The following PDIA5 variants were observed in gnomAD, a reference collection of about 807,000 sequenced individuals.
PDIA5 encodes protein disulfide isomerase family A member 5.
Under a neutral mutation model 77.6 loss-of-function variants are expected in PDIA5, and 58 were observed. The ratio of observed to expected loss-of-function variants is 0.75; its 90% confidence interval spans 0.61 to 0.93. PDIA5 has a LOEUF of 0.93. Among genes scored for constraint, PDIA5 ranks in the 40% least tolerant of loss-of-function variants. The pLI, the probability that PDIA5 is intolerant of heterozygous loss-of-function variation, is 0.00. For missense variants in PDIA5, 630 were observed against 647.7 expected, an observed-to-expected ratio of 0.97 and a Z score of 0.30; for synonymous variants, 250 against 252.1, an observed-to-expected ratio of 0.99 and a Z score of 0.08.
At chr3:123,097,731 C>T (rs1934478073) in intron 3 of PDIA5, among the ~76,000 whole-genome samples, 1 of 151,280 alleles carries the variant, frequency 6.6e-6, no homozygotes, top group East Asian at 1.9e-4. Context: ...GAAGTGAGGG[C>T]ACTTTCTACG....
At chr3:123,071,687 C>T (rs142336071) in intron 1 of PDIA5, among the ~76,000 whole-genome samples, 1,664 of 152,178 alleles carry the variant, frequency 0.011, 30 homozygotes, top group African/African-American at 0.038. Context: ...AGGACGAGGC[C>T]AAGCAGTGGG....
At chr3:123,106,679 G>A in intron 5 of PDIA5, 70 bp from the exon 6 acceptor site, 1 of 1,107,848 alleles carries the variant, frequency 9.0e-7, no homozygotes. Flanking sequence ...AAGAGGACAG[G>A]TTCCTGATTC....
At chr3:123,145,225 G>T in intron 11 of PDIA5, 1 of 334,358 alleles carries the variant, frequency 3.0e-6, no homozygotes, top group Non-Finnish European at 5.4e-6. Flanking sequence ...TGGAGATAAT[G>T]TCAGTTCCTA....
chr3:123,073,654 AT>A (rs1200409246), intron 1 of PDIA5, among the ~76,000 whole-genome samples: 8 of 152,186 alleles, frequency 5.3e-5, no homozygotes, highest in African/African-American at 1.9e-4. Flanking sequence ...AAGAGCCTTT[AT>A]TCCTCAAAGT....
chr3:123,072,912 C>CTGTGTGTGTGTG (rs66567660), intron 1 of PDIA5, among the ~76,000 whole-genome samples: 4,977 of 146,906 alleles, frequency 0.034, 110 homozygotes, highest in Non-Finnish European at 0.051. Context: ...ACCTCTCCTT[C>CTGTGTGTGTGTG]TGTGTGTGTG....
At chr3:123,101,906 CTTTT>C (rs71623603) in intron 3 of PDIA5, among the ~76,000 whole-genome samples, 21 of 71,396 alleles carry the variant, frequency 2.9e-4, no homozygotes, top group Admixed American at 1.8e-3. Context: ...TTCTTTCTTG[CTTTT>C]TTTTTTTTTT....
chr3:123,139,603 G>C (rs1935577977), intron 11 of PDIA5, among the ~76,000 whole-genome samples: 1 of 152,224 alleles, frequency 6.6e-6, no homozygotes, highest in Non-Finnish European at 1.5e-5. Context: ...GTGAGGTGCA[G>C]AGGAGGCGCA....
intron 8 of PDIA5, among the ~76,000 whole-genome samples, chr3:123,118,525 C>T (rs1053247885): frequency 1.3e-5 from 2 of 152,152 alleles, no homozygotes; most frequent in Non-Finnish European, 2.9e-5. Flanking sequence ...GTGGGCCATT[C>T]TCAGCCAATG....
chr3:123,074,751 A>G, intron 1 of PDIA5, among the ~76,000 whole-genome samples: 1 of 152,236 alleles, frequency 6.6e-6, no homozygotes, highest in East Asian at 1.9e-4. Context: ...ACATTTATAA[A>G]TACATTCATA....
chr3:123,108,280 T>C (rs1934782485), intron 6 of PDIA5, among the ~76,000 whole-genome samples: 1 of 143,226 alleles, frequency 7.0e-6, no homozygotes, highest in Admixed American at 7.5e-5. Context: ...CTTGAAGATG[T>C]CTTTTTTTTT....
rs1933581750 is a variant in PDIA5, at chr3:123,067,046, G to C, written c.-119G>C. Reference sequence around the variant, plus strand: ...TGGCAGACGTGGCACCGGGAACTCGGAGGCGGGGAGCGGCTGGGAAGTGGC... The same window carrying C: ...TGGCAGACGTGGCACCGGGAACTCGCAGGCGGGGAGCGGCTGGGAAGTGGC... On this transcript the variant is annotated 5_prime_UTR_variant, in exon 1 of 17. Transcript: ENST00000316218. 1 of 850,964 alleles carries C rather than the reference G, an allele frequency of 1.2e-6. No homozygotes were observed. The highest frequency in any genetic ancestry group is 1.6e-6 in the Non-Finnish European group (1 of 639,460). The allele number at this position is 850,964 out of a possible 1,614,324, so 52.7% of individuals were successfully genotyped here.
chr3:123,138,493 T>G (rs1307782318), intron 11 of PDIA5, among the ~76,000 whole-genome samples: 1 of 152,242 alleles, frequency 6.6e-6, no homozygotes, highest in African/African-American at 2.4e-5. Context: ...AACATTTTAA[T>G]GCAAAAATAT....
chr3:123,074,393 T>C (rs1311585122), intron 1 of PDIA5, among the ~76,000 whole-genome samples: 3 of 152,348 alleles, frequency 2.0e-5, no homozygotes, highest in African/African-American at 7.2e-5. Context: ...AGGAAAGCCT[T>C]CTCTGAGAAC....
At chr3:123,106,687 T>C in intron 5 of PDIA5, 62 bp from the exon 6 acceptor site, 1 of 1,207,992 alleles carries the variant, frequency 8.3e-7, no homozygotes, top group Non-Finnish European at 1.2e-6. Context: ...AGGTTCCTGA[T>C]TCCCCCACCT....
intron 1 of PDIA5, among the ~76,000 whole-genome samples, chr3:123,085,203 C>T (rs952725318): frequency 6.6e-6 from 1 of 152,170 alleles, no homozygotes; most frequent in Admixed American, 6.5e-5. Flanking sequence ...GTTTATAATA[C>T]TGGTCAAACA....
chr3:123,079,175 CTTTTTTTT>C (rs35252405), intron 1 of PDIA5, among the ~76,000 whole-genome samples: 1 of 94,080 alleles, frequency 1.1e-5, no homozygotes, highest in Non-Finnish European at 2.0e-5. Flanking sequence ...ATTTTGAATT[CTTTTTTTT>C]TTTTTTTTTT....
chr3:123,148,568 TAAA>T (rs144004309), intron 13 of PDIA5, among the ~76,000 whole-genome samples: 1 of 142,574 alleles, frequency 7.0e-6, no homozygotes, highest in Non-Finnish European at 1.5e-5. Flanking sequence ...GACCCTGTCT[TAAA>T]AAAAAAAAAA....
chr3:123,119,316 C>G (rs1935056094), intron 8 of PDIA5, among the ~76,000 whole-genome samples: 1 of 152,236 alleles, frequency 6.6e-6, no homozygotes, highest in African/African-American at 2.4e-5. Flanking sequence ...AAAAGTTACC[C>G]ATTCCAGTTC....
At chr3:123,068,666 A>T (rs7614797) in intron 1 of PDIA5, among the ~76,000 whole-genome samples, 11,918 of 152,216 alleles carry the variant, frequency 0.078, 1,056 homozygotes, top group African/African-American at 0.22. Context: ...CTGAAATTTC[A>T]TTCGGCAGAC....
Sources: gnomAD v4.1 joint callset for allele counts (sites outside exome capture counted in the v4.1 genomes callset) on GRCh38, gnomAD v4.1.1 for gene constraint, MANE v1.5 for transcripts, NCBI Gene and HGNC (gene_info 2026-07-23, HGNC 2026-07-21) for gene names.